The following YTHDC2 variants were observed in gnomAD, a reference collection of about 807,000 sequenced individuals.
YTHDC2 encodes 3'-5' RNA helicase YTHDC2.
Under a neutral mutation model 174.9 loss-of-function variants are expected in YTHDC2, and 45 were observed. The ratio of observed to expected loss-of-function variants is 0.26; its 90% CI spans 0.20 to 0.33. YTHDC2 has a LOEUF of 0.33. Among genes scored for constraint, YTHDC2 ranks in the 10% least tolerant of loss-of-function variants. YTHDC2 has a pLI of 1.00. For synonymous variants in YTHDC2, 657 were observed against 574.5 expected, an observed-to-expected ratio of 1.14 and a Z score of -2.05; for missense variants, 1,650 against 1,723.7, an observed-to-expected ratio of 0.96 and a Z score of 0.76.
intron 1 of YTHDC2, among the ~76,000 whole-genome samples, chr5:113,515,009 C>A (rs995170111): frequency 2.0e-5 from 3 of 151,872 alleles, no homozygotes; most frequent in African/African-American, 7.3e-5. Context: ...ATATCAGAGG[C>A]CTTTATCACA....
chr5:113,549,342 G>A (rs993913203), intron 12 of YTHDC2, among the ~76,000 whole-genome samples: 1 of 152,144 alleles, frequency 6.6e-6, no homozygotes, highest in Non-Finnish European at 1.5e-5. Flanking sequence ...GTAAACCAAA[G>A]TCAAAGAGAA....
At chr5:113,550,346 G>A (rs927431405) in intron 12 of YTHDC2, among the ~76,000 whole-genome samples, 1 of 151,976 alleles carries the variant, frequency 6.6e-6, no homozygotes, top group Non-Finnish European at 1.5e-5. Flanking sequence ...AATTTGGGAA[G>A]AATTACTATC....
intron 1 of YTHDC2, 170 bp downstream of exon 1, chr5:113,514,252 G>A (rs1185359467): frequency 2.5e-6 from 2 of 812,728 alleles, no homozygotes; most frequent in Non-Finnish European, 4.1e-6. Flanking sequence ...GAACGCGGCT[G>A]TTGGCCCTGC....
At chr5:113,546,454 T>A (rs1485380410) in intron 10 of YTHDC2, among the ~76,000 whole-genome samples, 1 of 152,186 alleles carries the variant, frequency 6.6e-6, no homozygotes, top group African/African-American at 2.4e-5. Context: ...TTTGTTTCAT[T>A]TCTAAAATCT....
At chr5:113,555,798 C>G (rs775480826) in intron 16 of YTHDC2, among the ~76,000 whole-genome samples, 5 of 152,116 alleles carry the variant, frequency 3.3e-5, no homozygotes, top group Non-Finnish European at 7.4e-5. Context: ...CAGAGAGCAA[C>G]AAATAGCTCA....
chr5:113,578,844 C>T (rs1778223395), intron 23 of YTHDC2, among the ~76,000 whole-genome samples: 1 of 152,004 alleles, frequency 6.6e-6, no homozygotes. Context: ...CTTCTAGTTC[C>T]TCTACTTTCA....
intron 6 of YTHDC2, 101 bp from the exon 7 acceptor site, chr5:113,535,541 T>A: frequency 8.7e-7 from 1 of 1,148,662 alleles, no homozygotes; most frequent in Non-Finnish European, 1.2e-6. Context: ...TGTCCACATT[T>A]AATTTGAATT....
At chr5:113,520,676 C>A (rs1257264197) in intron 2 of YTHDC2, among the ~76,000 whole-genome samples, 2 of 151,952 alleles carry the variant, frequency 1.3e-5, no homozygotes, top group African/African-American at 4.8e-5. Context: ...CAGAAGTGAG[C>A]AACAAGGACC....
In YTHDC2 at chr5:113,562,526, G is replaced by A. The variant is rs181751480; in HGVS notation, c.2323-847G>A. Among the ~76,000 whole-genome samples, 66 of 151,078 alleles carry A rather than the reference G, an allele frequency of 4.4e-4. 1 individual carries two copies. The highest frequency in any genetic ancestry group is 7.1e-4 in the African/African-American group (29 of 41,128). ...AAAATTCACAATCCTTAACAAGAGC[G>A]TAAATTGCCTGTTCCTGCCTGTGTC... On this transcript the variant is annotated intron_variant, in intron 18 of 29. Coordinates refer to ENST00000161863, the MANE Select transcript of YTHDC2 (RefSeq NM_022828.5).
chr5:113,514,231 A>T (rs1007935221), intron 1 of YTHDC2, 149 bp downstream of exon 1: 14 of 1,013,404 alleles, frequency 1.4e-5, no homozygotes, highest in Non-Finnish European at 2.1e-5. Context: ...CAGCGGCGGC[A>T]CCCGGGTCTG....
chr5:113,593,082 G>A (rs17135753), intron 28 of YTHDC2: 225 of 347,336 alleles, frequency 6.5e-4, no homozygotes, highest in Non-Finnish European at 9.2e-4. Context: ...CACAAAAGTT[G>A]AGAGATTTTG....
Position 113,567,157 on chromosome 5 carries a change from G to T in YTHDC2, c.2908G>T (p.Val970Phe). ...DVNTNSENWAVVKAALVAGMY... is the reference protein window; with the variant it reads ...DVNTNSENWAFVKAALVAGMY... ...TAACACAAACTCTGAGAATTGGGCT[G>T]TCGTTAAAGCTGCATTGGTGGCAGG... Residue 970 changes from valine to phenylalanine, a missense_variant, in exon 22 of 30, where the codon GTC (valine) becomes TTC (phenylalanine). Around this residue, in one of 5 missense-constraint regions of YTHDC2, gnomAD observed 913 missense variants for 940.4 expected, o/e 0.97. Transcript: ENST00000161863. 2 of 1,613,874 alleles carry T rather than the reference G, an allele frequency of 1.2e-6. No individual in the cohort carries two copies. The highest frequency in any genetic ancestry group is 4.5e-5 in the East Asian group (2 of 44,858).
chr5:113,581,748 A>G (rs1284496384), intron 25 of YTHDC2, 39 bp downstream of exon 25: 1 of 1,405,408 alleles, frequency 7.1e-7, no homozygotes, highest in African/African-American at 1.5e-5. Flanking sequence ...GTCACTTTTT[A>G]TTCAGGAAAA....
rs1472420630 is a variant in YTHDC2, at chr5:113,594,425, C to T, written c.*951C>T. 3 of 152,206 alleles carry T rather than the reference C, an allele frequency of 2.0e-5. No individual in the cohort carries two copies. Among genetic ancestry groups the T allele is most frequent in the Admixed American group, 6.5e-5 (1 of 15,274 alleles). The allele number at this position is 152,206 out of a possible 1,614,324, so 9.4% of individuals were successfully genotyped here. A position where few individuals can be genotyped will look rare whatever the true frequency, so the allele number is the denominator to read the frequency against. On this transcript the variant is annotated 3_prime_UTR_variant, in exon 30 of 30. Transcript: ENST00000161863. Reference sequence around the variant, plus strand: ...TCTTCCAAACTAAAGCCTGCAAGCGCCACAATTCTAAGTGCCGCCTTCCAT... The same window carrying T: ...TCTTCCAAACTAAAGCCTGCAAGCGTCACAATTCTAAGTGCCGCCTTCCAT...
intron 3 of YTHDC2, 83 bp downstream of exon 3, chr5:113,525,260 C>T: frequency 8.6e-7 from 1 of 1,165,068 alleles, no homozygotes; most frequent in East Asian, 2.7e-5. Context: ...TTTTCGAAAA[C>T]CAAGATGAAA....
intron 18 of YTHDC2, among the ~76,000 whole-genome samples, chr5:113,561,471 A>ATC (rs761408446): frequency 0.044 from 5,831 of 131,452 alleles, 102 homozygotes; most frequent in African/African-American, 0.085. Flanking sequence ...CTATCTATCT[A>ATC]TATTTTTTTT....
At chr5:113,568,463 CATCATGTATCT>C (rs374201489) in intron 23 of YTHDC2, among the ~76,000 whole-genome samples, 3,643 of 152,156 alleles carry the variant, frequency 0.024, 63 homozygotes, top group Non-Finnish European at 0.037. Flanking sequence ...CAGATCATGA[CATCATGTATCT>C]ATCAAGCCCA....
chr5:113,588,149 A>G (rs1280061863), intron 26 of YTHDC2, among the ~76,000 whole-genome samples: 1 of 152,096 alleles, frequency 6.6e-6, no homozygotes, highest in Non-Finnish European at 1.5e-5. Flanking sequence ...CCTTCTGATA[A>G]TAAAGATAAT....
chr5:113,556,358 T>C (rs886686158), intron 17 of YTHDC2: 3 of 324,130 alleles, frequency 9.3e-6, no homozygotes, highest in African/African-American at 6.4e-5. Context: ...TACATTCAGA[T>C]GTAAGAAGCT....
Sources: allele counts gnomAD v4.1 joint callset (sites outside exome capture counted in the v4.1 genomes callset), GRCh38; gene constraint gnomAD v4.1.1; regional missense constraint gnomAD v4.1.1; transcripts MANE v1.5; gene names NCBI Gene and HGNC (gene_info 2026-07-23, HGNC 2026-07-21).